The following BTBD2 variants were observed in gnomAD, a reference collection of about 807,000 sequenced individuals.
BTBD2 encodes BTB/POZ domain-containing protein 2.
Under a neutral mutation model 44.0 loss-of-function variants are expected in BTBD2, and 15 were observed. The observed-to-expected ratio is 0.34, with a 90% CI of 0.23 to 0.53. The LOEUF (loss-of-function observed/expected upper bound fraction) is 0.53, where lower values mean the gene tolerates loss of function less well. Ranked by LOEUF, BTBD2 falls within the 20% of genes least tolerant of loss-of-function variation. BTBD2 has a pLI of 0.95. For synonymous variants in BTBD2, 443 were observed against 335.9 expected, an observed-to-expected ratio of 1.32 and a Z score of -3.49; for missense variants, 657 against 746.4, an observed-to-expected ratio of 0.88 and a Z score of 1.39.
At position 1,990,001 on chromosome 19, in the gene BTBD2, T is replaced by A. The variant is rs2016150275; in HGVS notation, c.988+3A>T. 6.2e-7 allele frequency: 1 copy of A among 1,613,038 alleles called. No homozygotes were observed. The highest frequency in any genetic ancestry group is 8.5e-7 in the Non-Finnish European group (1 of 1,179,980). ...ACCAGCCCCTGAGCCCGAGCTCTGT[T>A]ACCTGCAGCGAACTCCTCGATGGTC... On this transcript the variant is annotated splice_donor_region_variant and intron_variant, in intron 5 of 8. Coordinates refer to ENST00000255608, the MANE Select transcript of BTBD2 (RefSeq NM_017797.4).
At chr19:2,002,235 A>G (rs776154198) in intron 1 of BTBD2, among the ~76,000 whole-genome samples, 6 of 152,036 alleles carry the variant, frequency 3.9e-5, no homozygotes, top group African/African-American at 1.4e-4. Flanking sequence ...CACAAGCCAC[A>G]ATGCCCAGCT....
At chr19:1,989,796 C>A (rs1214610910) in intron 5 of BTBD2, 18 of 604,306 alleles carry the variant, frequency 3.0e-5, no homozygotes, top group Non-Finnish European at 4.4e-5. Flanking sequence ...CGGGGTCTGG[C>A]AGTGTGCACG....
chr19:1,995,534 G>T (rs1375228742), intron 2 of BTBD2, among the ~76,000 whole-genome samples: 1 of 146,884 alleles, frequency 6.8e-6, no homozygotes, highest in Non-Finnish European at 1.5e-5. Flanking sequence ...CACCCACCTC[G>T]GCCTCCCAAA....
At chr19:1,999,456 AGG>A (rs1237549095) in intron 1 of BTBD2, among the ~76,000 whole-genome samples, 2 of 152,346 alleles carry the variant, frequency 1.3e-5, no homozygotes, top group East Asian at 3.9e-4. Flanking sequence ...GCTTGAGCCC[AGG>A]AGTTTGAGAC....
At chr19:2,001,297 C>T (rs906276118) in intron 1 of BTBD2, among the ~76,000 whole-genome samples, 26 of 152,006 alleles carry the variant, frequency 1.7e-4, no homozygotes, top group African/African-American at 6.3e-4. Flanking sequence ...GAGATCAAGA[C>T]CATCCTGGCT....
rs147829086 is a variant in BTBD2, at chr19:1,986,252, T to G, written c.*236A>C. On this transcript the variant is annotated 3_prime_UTR_variant, in exon 9 of 9. Transcript: ENST00000255608. ...CTGTCCCTAGTCCTGAGGGATTGTC[T>G]CCACAGGGCCTGGCCACTGGCCTGG... The G allele has an allele frequency of 0.013, 7,085 of 566,498 alleles. 62 individuals carry two copies. Among genetic ancestry groups the G allele is most frequent in the Middle Eastern group, 0.033 (67 of 2,052 alleles). 35.1% of individuals were successfully genotyped at this position (566,498 alleles called of 1,614,324 possible).
chr19:1,986,550 C>T lies in BTBD2; in HGVS notation c.1516G>A (p.Gly506Arg), dbSNP rs376475938. 7.4e-6 allele frequency: 12 copies of T among 1,613,942 alleles called. No homozygotes were observed. The highest frequency in any genetic ancestry group is 3.3e-5 in the South Asian group (3 of 91,094). ...KTCFTFCYAA[G>R]NNNGTSVEDG... ...TCCACGGATGTGCCATTGTTGTTCCCGGCCGCGTAGCAAAAGGTGAAGCAG... is the reference window on the plus strand; with the variant it reads ...TCCACGGATGTGCCATTGTTGTTCCTGGCCGCGTAGCAAAAGGTGAAGCAG... The change falls in exon 9 of 9, where the codon GGG (glycine) becomes AGG (arginine). Residue 506 changes from glycine to arginine, a missense_variant. Coordinates refer to ENST00000255608, the MANE Select transcript of BTBD2 (RefSeq NM_017797.4).
chr19:2,014,886 G>T (rs543075443), intron 1 of BTBD2, among the ~76,000 whole-genome samples: 1 of 151,604 alleles, frequency 6.6e-6, no homozygotes, highest in Non-Finnish European at 1.5e-5. Flanking sequence ...GGGGGGCCTG[G>T]GGATGGAGGG....
At chr19:2,008,674 G>A (rs905483334) in intron 1 of BTBD2, among the ~76,000 whole-genome samples, 9 of 147,930 alleles carry the variant, frequency 6.1e-5, no homozygotes, top group Middle Eastern at 3.5e-3. Flanking sequence ...TCACTGCAGC[G>A]GCAACCTCCC....
At chr19:1,989,843 C>T in intron 5 of BTBD2, 161 bp downstream of exon 5, 1 of 777,686 alleles carries the variant, frequency 1.3e-6, no homozygotes, top group South Asian at 1.8e-5. Flanking sequence ...ACAGATGGCC[C>T]TGTGGACGCG....
At chr19:2,015,177 G>T (rs1205101856) in intron 1 of BTBD2, 120 bp downstream of exon 1, 1 of 1,356,784 alleles carries the variant, frequency 7.4e-7, no homozygotes, top group Non-Finnish European at 9.5e-7. Flanking sequence ...AGGGGTGCAG[G>T]GCTCGGGGAT....
At chr19:1,990,635 C>G in intron 4 of BTBD2, 82 bp downstream of exon 4, 2 of 1,322,782 alleles carry the variant, frequency 1.5e-6, no homozygotes, top group Non-Finnish European at 2.1e-6. Context: ...CTCCCCCAGG[C>G]CCAAAGCTCC....
At chr19:2,004,143 A>G (rs950646135) in intron 1 of BTBD2, among the ~76,000 whole-genome samples, 2 of 151,804 alleles carry the variant, frequency 1.3e-5, no homozygotes, top group African/African-American at 4.8e-5. Context: ...GACTGAACCA[A>G]TGTTCATTTT....
At chr19:2,004,359 A>T (rs2016367711) in intron 1 of BTBD2, among the ~76,000 whole-genome samples, 2 of 147,898 alleles carry the variant, frequency 1.4e-5, no homozygotes, top group Non-Finnish European at 3.0e-5. Context: ...GCATGATCTC[A>T]GCTCACCACA....
chr19:1,995,308 G>A (rs1395961329), intron 2 of BTBD2, among the ~76,000 whole-genome samples: 1 of 132,786 alleles, frequency 7.5e-6, no homozygotes, highest in Non-Finnish European at 1.6e-5. Flanking sequence ...TTGAGAGGGA[G>A]TCTTGCTCTG....
intron 2 of BTBD2, among the ~76,000 whole-genome samples, chr19:1,996,319 T>C (rs927397618): frequency 1.6e-4 from 24 of 152,204 alleles, no homozygotes; most frequent in African/African-American, 5.5e-4. Flanking sequence ...TCTAGGATAG[T>C]TTTTCTATTT....
chr19:2,011,382 C>T (rs367595848), intron 1 of BTBD2, among the ~76,000 whole-genome samples: 6 of 152,116 alleles, frequency 3.9e-5, no homozygotes, highest in Non-Finnish European at 5.9e-5. Flanking sequence ...CCATCCACGG[C>T]GCGTTCCACC....
rs539272073 is a variant in BTBD2, at chr19:2,007,147, C to T, written c.407+8150G>A. On this transcript the variant is annotated intron_variant, in intron 1 of 8. Transcript: ENST00000255608. The stretch of plus-strand genomic sequence containing the variant: ...CTGGGATTACAGGCGTGAGCCACTG[C>T]GCCCAGCCACTTTTTGTATTTTTAG... Among the ~76,000 whole-genome samples, 8 of 152,238 alleles carry T rather than the reference C, an allele frequency of 5.3e-5. No individual in the cohort carries two copies. The South Asian group carries it at 6.2e-4, about 12-fold the overall frequency.
intron 2 of BTBD2, among the ~76,000 whole-genome samples, chr19:1,995,761 C>G (rs551047441): frequency 1.3e-5 from 2 of 148,654 alleles, no homozygotes; most frequent in East Asian, 4.1e-4. Flanking sequence ...CTCAGCCTCC[C>G]AAGTAGCTGC....
Sources: gnomAD v4.1 joint callset for allele counts (sites outside exome capture counted in the v4.1 genomes callset) on GRCh38, gnomAD v4.1.1 for gene constraint, MANE v1.5 for transcripts, NCBI Gene and HGNC (gene_info 2026-07-23, HGNC 2026-07-21) for gene names.